Variants in SASH1 observed in about 807,000 individuals in gnomAD.
The protein encoded by SASH1 is SAM and SH3 domain containing 1.
SASH1 carries 44 observed loss-of-function variants against 125.2 expected under a neutral mutation model. The observed-to-expected ratio is 0.35, with a 90% confidence interval of 0.28 to 0.45. The LOEUF (loss-of-function observed/expected upper bound fraction) is 0.45. Among genes scored for constraint, SASH1 ranks in the 20% least tolerant of loss-of-function variants. The probability of loss-of-function intolerance (pLI) is 1.00; values close to 1 mark genes in which losing one functional copy is unlikely to be tolerated. For missense variants in SASH1, 1,426 were observed against 1,614.5 expected (o/e 0.88, Z 2.00); for synonymous variants, 639 against 649.1 (o/e 0.98, Z 0.24).
chr6:148,332,795 G>A (rs1781033724), intron 1 of SASH1, among the ~76,000 whole-genome samples: 1 of 152,066 alleles, frequency 6.6e-6, no homozygotes, highest in South Asian at 2.1e-4. Flanking sequence ...AGACCAGCCA[G>A]ACCAACATGG....
upstream of SASH1, among the ~76,000 whole-genome samples, chr6:148,338,577 A>G (rs1781234136): frequency 6.6e-6 from 1 of 152,156 alleles, no homozygotes; most frequent in African/African-American, 2.4e-5. Context: ...ATCTTTTTCG[A>G]GGCCCTTTTC....
At chr6:148,321,346 C>T (rs1384407991) in intron 1 of SASH1, among the ~76,000 whole-genome samples, 1 of 149,878 alleles carries the variant, frequency 6.7e-6, no homozygotes, top group East Asian at 2.0e-4. Context: ...GCTGAGATTG[C>T]ACCATTGCAC....
intron 4 of SASH1, among the ~76,000 whole-genome samples, chr6:148,458,050 T>C (rs909206197): frequency 1.3e-5 from 2 of 152,194 alleles, no homozygotes; most frequent in African/African-American, 4.8e-5. Context: ...GTAACTGACA[T>C]GTGACTTCAG....
In SASH1 at chr6:148,342,978, G is replaced by T; in HGVS notation, c.-90G>T. ...GGCGCGGCTCGGTGACGCCGCGGGCGGGGACCCGGCATCCGGGCAGGCTGC... is the reference window on the plus strand; with the variant it reads ...GGCGCGGCTCGGTGACGCCGCGGGCTGGGACCCGGCATCCGGGCAGGCTGC... On this transcript the variant is annotated 5_prime_UTR_variant, in exon 1 of 20. Transcript: ENST00000367467. 9.9e-7 allele frequency: 1 copy of T among 1,010,306 alleles called. No homozygotes were observed. The highest frequency in any genetic ancestry group is 1.2e-6 in the Non-Finnish European group (1 of 844,998). 62.6% of individuals were successfully genotyped at this position (1,010,306 alleles called of 1,614,324 possible).
chr6:148,515,841 G>A (rs73587768), intron 9 of SASH1, among the ~76,000 whole-genome samples: 4,875 of 152,166 alleles, frequency 0.032, 271 homozygotes, highest in African/African-American at 0.11. Context: ...CAAATCTCAT[G>A]AACACTCGGC....
the SASH1 span, among the ~76,000 whole-genome samples, chr6:148,244,363 G>A: frequency 6.6e-6 from 1 of 152,150 alleles, no homozygotes; most frequent in Non-Finnish European, 1.5e-5. Context: ...GAGGAGACCG[G>A]CTTTATTCAC....
the SASH1 span, among the ~76,000 whole-genome samples, chr6:148,244,224 G>C: frequency 6.6e-6 from 1 of 152,116 alleles, no homozygotes; most frequent in African/African-American, 2.4e-5. Flanking sequence ...CCCTCTACCA[G>C]GCAGGACCCG....
At chr6:148,380,529 A>G (rs368070424) in intron 1 of SASH1, among the ~76,000 whole-genome samples, 10 of 152,358 alleles carry the variant, frequency 6.6e-5, no homozygotes, top group African/African-American at 2.4e-4. Flanking sequence ...CCACCCAATT[A>G]TCTGTGCTGC....
At chr6:148,528,619 T>C (rs888618977) in intron 12 of SASH1, among the ~76,000 whole-genome samples, 1 of 152,014 alleles carries the variant, frequency 6.6e-6, no homozygotes, top group Admixed American at 6.6e-5. Context: ...ATCATTTTGC[T>C]CCCCCATGGA....
chr6:148,534,691 C>A, intron 15 of SASH1, 60 bp from the exon 16 acceptor site: 1 of 1,545,170 alleles, frequency 6.5e-7, no homozygotes, highest in Non-Finnish European at 8.9e-7. Context: ...TAGTTGTTGG[C>A]GGTGTTATCA....
rs371374910 is a variant in SASH1, at chr6:148,399,214, C to CTTTTTTTTTTTTT, written c.285+8966_285+8978dup. On this transcript the variant is annotated intron_variant, in intron 2 of 19. Transcript: ENST00000367467. ...AAATGTGCATCAACAATTTCAGCTT[C>CTTTTTTTTTTTTT]TTTTTTTTTTTTTTTTTTTTTTTTT... Among the ~76,000 whole-genome samples, 51 of 106,666 alleles carry CTTTTTTTTTTTTT rather than the reference C, an allele frequency of 4.8e-4. 1 individual carries two copies. The highest frequency in any genetic ancestry group is 1.7e-3 in the African/African-American group (47 of 27,078). The allele number at this position is 106,666 out of a possible 152,430, so 70.0% of individuals were successfully genotyped here. A position where few individuals can be genotyped will look rare whatever the true frequency, so the allele number is the denominator to read the frequency against.
At chr6:148,420,676 T>C (rs1785020725) in intron 2 of SASH1, among the ~76,000 whole-genome samples, 3 of 152,222 alleles carry the variant, frequency 2.0e-5, no homozygotes, top group African/African-American at 4.8e-5. Flanking sequence ...TTATGAATTA[T>C]TGTTCCCTAT....
intron 2 of SASH1, among the ~76,000 whole-genome samples, chr6:148,432,053 G>T (rs967347147): frequency 1.3e-5 from 2 of 150,844 alleles, no homozygotes; most frequent in Admixed American, 1.3e-4. Flanking sequence ...TCGGCTCACA[G>T]CAATGTCTGC....
intron 1 of SASH1, among the ~76,000 whole-genome samples, chr6:148,308,141 C>T (rs1780191920): frequency 6.6e-6 from 1 of 152,134 alleles, no homozygotes; most frequent in African/African-American, 2.4e-5. Flanking sequence ...CCCTCTTTCA[C>T]TTCTTCTGTG....
chr6:148,367,473 A>C (rs1470861494), intron 1 of SASH1, among the ~76,000 whole-genome samples: 1 of 152,246 alleles, frequency 6.6e-6, no homozygotes, highest in African/African-American at 2.4e-5. Flanking sequence ...GCAGGGAAAC[A>C]GAACAAAACA....
chr6:148,316,154 T>C (rs1439345366), intron 1 of SASH1, among the ~76,000 whole-genome samples: 2 of 152,178 alleles, frequency 1.3e-5, no homozygotes, highest in African/African-American at 2.4e-5. Context: ...ACTGAGAATA[T>C]AATATTACTG....
chr6:148,337,632 G>T lies in SASH1; in HGVS notation n.75-52502G>T, dbSNP rs1469969567. On this transcript the variant is annotated intron_variant and non_coding_transcript_variant, in intron 1 of 3. Transcript: ENST00000367469. Reference sequence around the variant, plus strand: ...CTGCCTGGGCCTCTCAAAGTGCCGGGATTACAGACGTGAGCCACTGTGCCT... The same window carrying T: ...CTGCCTGGGCCTCTCAAAGTGCCGGTATTACAGACGTGAGCCACTGTGCCT... Among the ~76,000 whole-genome samples, 5 of 152,126 alleles carry T rather than the reference G, an allele frequency of 3.3e-5. No homozygotes were observed. In the East Asian group the frequency reaches 9.6e-4, roughly 29 times the overall value.
At chr6:148,270,435 C>T (rs1322108927), upstream of SASH1, among the ~76,000 whole-genome samples, 1 of 152,014 alleles carries the variant, frequency 6.6e-6, no homozygotes, top group Non-Finnish European at 1.5e-5. Context: ...ATTACTGATA[C>T]CGATGAGCAG....
At chr6:148,435,024 A>C (rs1332978592) in intron 2 of SASH1, among the ~76,000 whole-genome samples, 1 of 144,400 alleles carries the variant, frequency 6.9e-6, no homozygotes, top group African/African-American at 2.6e-5. Context: ...GGCCAACATA[A>C]CGAGACTTGT....
Sources: allele counts gnomAD v4.1 joint callset (sites outside exome capture counted in the v4.1 genomes callset), GRCh38; gene constraint gnomAD v4.1.1; transcripts MANE v1.5; gene names NCBI Gene and HGNC (gene_info 2026-07-23, HGNC 2026-07-21).